Variants in RASA3 observed in about 807,000 individuals in gnomAD.
RASA3 encodes RAS p21 protein activator 3.
A neutral mutation model predicts 110.0 loss-of-function variants in RASA3; 73 were observed. The observed-to-expected ratio is 0.66, with a 90% CI of 0.55 to 0.81. The LOEUF (loss-of-function observed/expected upper bound fraction) is 0.81. RASA3 is among the 30% of genes least tolerant of loss of function. The pLI is 0.00. For missense variants in RASA3, 976 were observed against 1,113.2 expected (o/e 0.88, Z 1.75); for synonymous variants, 500 against 451.4 (o/e 1.11, Z -1.37).
chr13:114,041,064 T>C lies in RASA3; in HGVS notation c.308A>G (p.Gln103Arg), dbSNP rs757452090. 8 of 1,613,728 alleles carry C rather than the reference T, an allele frequency of 5.0e-6. No homozygotes were observed. Among genetic ancestry groups the C allele is most frequent in the African/African-American group, 2.7e-5 (2 of 74,950 alleles). Residue 103 changes from glutamine (Q) to arginine (R), a missense_variant, in exon 4 of 24, where the codon CAG becomes CGG. This residue lies in a region of RASA3 where 732 missense variants were observed against 779.7 expected (regional missense o/e 0.94). Transcript: ENST00000334062. ...CCAGGTGTCCCTGTTGTGGTACTTC[T>C]GCAAGTCCTCCTTCTGGATGGCCAC... ...GKVAIQKEDL[Q>R]KYHNRDTWFQ...
At chr13:114,013,283 C>T (rs370849240) in intron 14 of RASA3, 35 bp from the exon 15 acceptor site, 235 of 1,547,204 alleles carry the variant, frequency 1.5e-4, no homozygotes, top group South Asian at 9.1e-4. Flanking sequence ...CCGTTTTCCT[C>T]GGGCACAATG....
Position 114,132,445 on chromosome 13 carries a change from C to T in RASA3, c.45G>A (p.Lys15=). 6.5e-7 allele frequency: 1 copy of T among 1,528,948 alleles called. No individual in the cohort carries two copies. The highest frequency in any genetic ancestry group is 2.7e-5 in the East Asian group (1 of 36,924). The allele number at this position is 1,528,948 out of a possible 1,614,324, so 94.7% of individuals were successfully genotyped here. A position where few individuals can be genotyped will look rare whatever the true frequency, so the allele number is the denominator to read the frequency against. Residue 15 remains lysine (K), a synonymous_variant, in exon 1 of 24, where the codon AAG becomes AAA. Transcript: ENST00000334062. The part of the protein sequence containing the change: ...DEGLRVFQSV[K]IKIGEAKNLP... ...CCGGCGGACACTCACCGATCTTGAT[C>T]TTCACGCTCTGGAAGACCCGGAGCC...
rs1171325455 is a variant in RASA3, at chr13:114,014,660, G to C, written c.1405+549C>G. Among the ~76,000 whole-genome samples the C allele has an allele frequency of 6.6e-6, 1 of 152,142 alleles. No individual in the cohort carries two copies. Among genetic ancestry groups the C allele is most frequent in the Admixed American group, 6.5e-5 (1 of 15,282 alleles). On this transcript the variant is annotated intron_variant, in intron 14 of 23. Coordinates refer to ENST00000334062, the MANE Select transcript of RASA3 (RefSeq NM_007368.4). This position sits in a 1 kb window ranked among gnomAD's most constrained non-coding sequence, Gnocchi z 4.5. ...GGCAAGGTTGAGAAGTGGGGTTTGG[G>C]TGCTGGATGCCCAGGTCCCTAGGGG... is the stretch of plus-strand genomic sequence containing the variant.
intron 2 of RASA3, among the ~76,000 whole-genome samples, chr13:114,061,299 C>A (rs1156546352): frequency 6.6e-6 from 1 of 152,114 alleles, no homozygotes; most frequent in East Asian, 1.9e-4. Context: ...TTCTTCAGGT[C>A]TCTTGATGTT....
rs933140274 is a variant in RASA3, at chr13:114,029,586, C to T, written c.449+225G>A. Among the ~76,000 whole-genome samples, 22 of 66,016 alleles carry T rather than the reference C, an allele frequency of 3.3e-4. 3 individuals carry two copies. Among genetic ancestry groups the T allele is most frequent in the African/African-American group, 8.5e-4 (10 of 11,758 alleles). 43.3% of individuals were successfully genotyped at this position (66,016 alleles called of 152,430 possible). On this transcript the variant is annotated intron_variant, in intron 5 of 23. Coordinates refer to ENST00000334062, the MANE Select transcript of RASA3 (RefSeq NM_007368.4). Reference sequence around the variant, plus strand: ...TCCTGGTGGGCCAGGACCTCTAAAACGGCGTCATCCTGGGGGCCAGGACCT... The same window carrying T: ...TCCTGGTGGGCCAGGACCTCTAAAATGGCGTCATCCTGGGGGCCAGGACCT...
chr13:114,011,550 CG>C lies in RASA3; in HGVS notation c.1513-303del, dbSNP rs1428055013. 3.3e-5 allele frequency among the ~76,000 whole-genome samples: 5 copies of C among 152,098 alleles called. No homozygotes were observed. The highest frequency in any genetic ancestry group is 1.2e-4 in the African/African-American group (5 of 41,408). On this transcript the variant is annotated intron_variant, in intron 15 of 23. Transcript: ENST00000334062. The surrounding 1 kb of genome is among the most constrained non-coding windows in gnomAD (Gnocchi z 4.8). The stretch of plus-strand genomic sequence containing the variant: ...ATCAGGTGGGGTCATGGCTCTGGGG[CG>C]CTGAGTCTCGGGGTGCTGAGTCTCC...
Position 114,013,203 on chromosome 13 carries a change from A to G in RASA3, c.1451T>C (p.Leu484Pro). ...GAGAATGGCGGGCGCAAAGAACCTC[A>G]GGAAGATGAAGCTGCTCACTGCAGT... ...RYTAVSSFIF[L>P]RFFAPAILSP... Residue 484 changes from leucine (L) to proline (P), a missense_variant, in exon 15 of 24, where the codon CTG becomes CCG. Physicochemically the swap from Leu to Pro is moderately conservative, Grantham distance 98 (BLOSUM62 -3). Coordinates refer to ENST00000334062, the MANE Select transcript of RASA3 (RefSeq NM_007368.4). The G allele has an allele frequency of 1.2e-6, 2 of 1,613,374 alleles. No homozygotes were observed. The highest frequency in any genetic ancestry group is 1.7e-6 in the Non-Finnish European group (2 of 1,179,726).
At chr13:114,042,777 G>C (rs2054441097) in intron 3 of RASA3, among the ~76,000 whole-genome samples, 1 of 152,234 alleles carries the variant, frequency 6.6e-6, no homozygotes, top group Non-Finnish European at 1.5e-5. Context: ...CCACATGCTT[G>C]GGCCTGATTC....
At chr13:114,039,970 G>A (rs1041818914) in intron 4 of RASA3, among the ~76,000 whole-genome samples, 3 of 152,308 alleles carry the variant, frequency 2.0e-5, no homozygotes, top group Admixed American at 6.5e-5. Context: ...TTGGTGCCGC[G>A]TGCCAGGCAA....
At chr13:114,045,525 C>T (rs183445443) in intron 3 of RASA3, among the ~76,000 whole-genome samples, 9 of 152,200 alleles carry the variant, frequency 5.9e-5, no homozygotes, top group South Asian at 4.2e-4. Context: ...GAAATGCGCG[C>T]GCCTCCCTCT....
intron 1 of RASA3, among the ~76,000 whole-genome samples, chr13:114,099,460 C>A (rs916741912): frequency 2.0e-5 from 3 of 151,818 alleles, no homozygotes; most frequent in Admixed American, 2.0e-4. Flanking sequence ...TTTGGATTCC[C>A]CGGGGTGTCC....
intron 7 of RASA3, among the ~76,000 whole-genome samples, chr13:114,025,933 G>C (rs1370914776): frequency 1.3e-5 from 2 of 152,230 alleles, no homozygotes; most frequent in Non-Finnish European, 2.9e-5. Context: ...AAAGAGGTCT[G>C]CTAAGGAAGG....
chr13:114,028,058 G>T, intron 5 of RASA3, 131 bp from the exon 6 acceptor site: 3 of 713,570 alleles, frequency 4.2e-6, no homozygotes, highest in South Asian at 3.7e-5. Context: ...AAGGCAGGGA[G>T]GGCCACACCA....
chr13:114,065,851 G>A lies in RASA3; in HGVS notation c.173+7869C>T, dbSNP rs1047911999. Among the ~76,000 whole-genome samples, 7 of 152,216 alleles carry A rather than the reference G, an allele frequency of 4.6e-5. No individual in the cohort carries two copies. The highest frequency in any genetic ancestry group is 1.7e-4 in the African/African-American group (7 of 41,466). On this transcript the variant is annotated intron_variant, in intron 2 of 23. Coordinates refer to ENST00000334062, the MANE Select transcript of RASA3 (RefSeq NM_007368.4). This position sits in a 1 kb window ranked among gnomAD's most constrained non-coding sequence, Gnocchi z 4.1. ...TGCAGCCTCCTGTGGTTCAAGATGG[G>A]TGGGGTTATTTTGAAATGTTGGCAA...
rs375094676 is a variant in RASA3, at chr13:114,128,633, T to C, written c.55+3802A>G. Among the ~76,000 whole-genome samples the C allele has an allele frequency of 2.0e-5, 3 of 152,374 alleles. No homozygotes were observed. In the East Asian group the frequency reaches 5.8e-4, roughly 29 times the overall value. Reference sequence around the variant, plus strand: ...GAGGCCGGCAGCCCCTGGCCCTCACTGCCCCACAGGCCTGCAGGCACCAGC... The same window carrying C: ...GAGGCCGGCAGCCCCTGGCCCTCACCGCCCCACAGGCCTGCAGGCACCAGC... On this transcript the variant is annotated intron_variant, in intron 1 of 23. Coordinates refer to ENST00000334062, the MANE Select transcript of RASA3 (RefSeq NM_007368.4).
chr13:114,088,269 A>T (rs1485603136), intron 1 of RASA3, among the ~76,000 whole-genome samples: 1 of 152,238 alleles, frequency 6.6e-6, no homozygotes, highest in East Asian at 1.9e-4. Context: ...TAGACTTAAA[A>T]AATTCTGCTG....
intron 9 of RASA3, 142 bp from the exon 10 acceptor site, chr13:114,019,061 A>G: frequency 9.3e-7 from 1 of 1,074,786 alleles, no homozygotes; most frequent in Admixed American, 2.6e-5. Flanking sequence ...GCCCCTGGGG[A>G]CTCCCCACCG....
chr13:113,988,792 CATCCACCCATCACTCAACCATCTGTTA>C (rs2053028872), intron 22 of RASA3, among the ~76,000 whole-genome samples: 2 of 142,328 alleles, frequency 1.4e-5, no homozygotes, highest in South Asian at 2.5e-4. Context: ...CCCATCTGCC[CATCCACCCATCACTCAACCATCTGTTA>C]ATCCACCCAT....
intron 17 of RASA3, among the ~76,000 whole-genome samples, chr13:114,008,958 C>T (rs1222339586): frequency 8.7e-6 from 1 of 115,216 alleles, no homozygotes. Context: ...ATGTTCCCCA[C>T]GCACCGCGTT....
Sources: allele counts gnomAD v4.1 joint callset (sites outside exome capture counted in the v4.1 genomes callset), GRCh38; gene constraint gnomAD v4.1.1; regional missense constraint gnomAD v4.1.1; non-coding constraint Gnocchi (gnomAD v3.1); transcripts MANE v1.5; gene names NCBI Gene and HGNC (gene_info 2026-07-23, HGNC 2026-07-21).